The following ZNF207 variants were observed in gnomAD, a reference collection of about 807,000 sequenced individuals.
ZNF207 encodes zinc finger protein 207, also known as BUB3-interacting and GLEBS motif-containing protein ZNF207.
Under a neutral mutation model 60.2 loss-of-function variants are expected in ZNF207, and 24 were observed. The ratio of observed to expected loss-of-function variants is 0.40; its 90% confidence interval spans 0.29 to 0.56. The LOEUF (loss-of-function observed/expected upper bound fraction) is 0.56. Among genes scored for constraint, ZNF207 ranks in the 20% least tolerant of loss-of-function variants. ZNF207 has a pLI of 0.49. For synonymous variants in ZNF207, 236 were observed against 194.7 expected (o/e 1.21, Z -1.77); for missense variants, 452 against 636.6 (o/e 0.71, Z 3.12).
At chr17:32,355,644 T>G (rs1904464501) in intron 2 of ZNF207, among the ~76,000 whole-genome samples, 1 of 152,198 alleles carries the variant, frequency 6.6e-6, no homozygotes. Context: ...AGATGTCCTT[T>G]GTAAGGACTG....
intron 1 of ZNF207, 63 bp downstream of exon 1, chr17:32,350,389 A>G: frequency 1.2e-6 from 2 of 1,605,078 alleles, no homozygotes; most frequent in Non-Finnish European, 1.7e-6. Flanking sequence ...GCCTGGGACT[A>G]GGAGGCCTGG....
intron 11 of ZNF207, 28 bp downstream of exon 11, chr17:32,369,482 T>G (rs1341408456): frequency 9.3e-6 from 15 of 1,608,726 alleles, no homozygotes; most frequent in African/African-American, 1.3e-5. Context: ...TTTTTCATAT[T>G]TAGTGGATTT....
At position 32,368,927 on chromosome 17, in the gene ZNF207, C is replaced by A. The variant is rs187112522; in HGVS notation, c.1165-368C>A. 94 of 164,912 alleles carry A rather than the reference C, an allele frequency of 5.7e-4. 2 individuals carry two copies. In the East Asian group the frequency reaches 0.016, roughly 27 times the overall value. The allele number at this position is 164,912 out of a possible 1,614,324, so 10.2% of individuals were successfully genotyped here. On this transcript the variant is annotated intron_variant, in intron 10 of 11. Coordinates refer to ENST00000394670, the MANE Select transcript of ZNF207 (RefSeq NM_001098507.2). ...GGCTGAGGCAGGAGAATTTCTTGAA[C>A]CCGGGAGGCGGAGGTTGTGGTGAGC...
At position 32,369,890 on chromosome 17, in the gene ZNF207, A is replaced by G; in HGVS notation, c.*131A>G. 9.8e-7 allele frequency: 1 copy of G among 1,020,308 alleles called. No individual in the cohort carries two copies. The highest frequency in any genetic ancestry group is 3.1e-5 in the East Asian group (1 of 31,964). 63.2% of individuals were successfully genotyped at this position (1,020,308 alleles called of 1,614,324 possible). ...AACATTATCTTCCCACATACCAGGA[A>G]CTATTGGACATTTATTTTACATGGG... is the stretch of plus-strand genomic sequence containing the variant. On this transcript the variant is annotated 3_prime_UTR_variant, in exon 12 of 12. Transcript: ENST00000394670.
chr17:32,360,186 C>CCAAA (rs1555606145), intron 3 of ZNF207, among the ~76,000 whole-genome samples: 4 of 52,248 alleles, frequency 7.7e-5, no homozygotes, highest in African/African-American at 1.5e-4. Flanking sequence ...ACCCCCCCCC[C>CCAAA]AAAAAAAAAA....
intron 2 of ZNF207, among the ~76,000 whole-genome samples, chr17:32,354,906 G>A (rs1037149954): frequency 1.9e-4 from 29 of 152,242 alleles, no homozygotes; most frequent in Admixed American, 5.2e-4. Context: ...GAGCCACTGC[G>A]CCCAGCCTGT....
At chr17:32,361,803 C>G (rs1904895220) in intron 6 of ZNF207, among the ~76,000 whole-genome samples, 1 of 152,086 alleles carries the variant, frequency 6.6e-6, no homozygotes, top group Non-Finnish European at 1.5e-5. Flanking sequence ...AGACTATATT[C>G]TATGAAATTA....
At chr17:32,362,102 G>C in intron 6 of ZNF207, among the ~76,000 whole-genome samples, 1 of 150,940 alleles carries the variant, frequency 6.6e-6, no homozygotes, top group African/African-American at 2.5e-5. Flanking sequence ...TAATTTTGGT[G>C]GTAGTATTTC....
chr17:32,378,678 A>T lies in ZNF207; in HGVS notation c.*8919A>T, dbSNP rs571732638. The T allele has an allele frequency of 6.6e-6, 1 of 152,148 alleles. No individual in the cohort carries two copies. The highest frequency in any genetic ancestry group is 2.1e-4 in the South Asian group (1 of 4,826). 9.4% of individuals were successfully genotyped at this position (152,148 alleles called of 1,614,324 possible). ...AGTGGGGACATAATGGGTTGTGGAA[A>T]ATGTGTTTTAACATTTTTATTTTTT... On this transcript the variant is annotated 3_prime_UTR_variant, in exon 12 of 12. Transcript: ENST00000394670.
In ZNF207 at chr17:32,350,341, T is replaced by C; in HGVS notation, c.41+15T>C. On this transcript the variant is annotated intron_variant, in intron 1 of 11. Coordinates refer to ENST00000394670, the MANE Select transcript of ZNF207 (RefSeq NM_001098507.2). ...CCGTGGTGCTGGTATCCTTTGTCGG[T>C]TTGAAGTCGAGGTCGCGTTGGGGTG... 6.2e-7 allele frequency: 1 copy of C among 1,614,044 alleles called. No individual in the cohort carries two copies. The highest frequency in any genetic ancestry group is 8.5e-7 in the Non-Finnish European group (1 of 1,179,990).
rs1199800178 is a variant in ZNF207, at chr17:32,381,374, GTAAA to G, written c.*11617_*11620del. ...ACTGATCGCATAATTTTTAATGTAAGTAAATGAGCTCACTAAGGGTAATTAAATA... is the reference window on the plus strand; with the variant it reads ...ACTGATCGCATAATTTTTAATGTAAGTGAGCTCACTAAGGGTAATTAAATA... On this transcript the variant is annotated 3_prime_UTR_variant, in exon 12 of 12. Coordinates refer to ENST00000394670, the MANE Select transcript of ZNF207 (RefSeq NM_001098507.2). 4 of 152,210 alleles carry G rather than the reference GTAAA, an allele frequency of 2.6e-5. No individual in the cohort carries two copies. Among genetic ancestry groups the G allele is most frequent in the Admixed American group, 1.3e-4 (2 of 15,284 alleles). 9.4% of individuals were successfully genotyped at this position (152,210 alleles called of 1,614,324 possible).
chr17:32,361,604 C>G lies in ZNF207; in HGVS notation c.599+89C>G, dbSNP rs769889510. 7.2e-5 allele frequency: 90 copies of G among 1,242,666 alleles called. 1 individual carries two copies. The highest frequency in any genetic ancestry group is 9.6e-5 in the Non-Finnish European group (88 of 917,712). 77.0% of individuals were successfully genotyped at this position (1,242,666 alleles called of 1,614,324 possible). On this transcript the variant is annotated intron_variant, in intron 6 of 11. Coordinates refer to ENST00000394670, the MANE Select transcript of ZNF207 (RefSeq NM_001098507.2). ...TGTTTAATGGTATCTATTCAGTTGA[C>G]TTCAGAAATTTTCTAACCTTCCTCA... is the stretch of plus-strand genomic sequence containing the variant.
chr17:32,377,716 T>G lies in ZNF207; in HGVS notation c.*7957T>G, dbSNP rs1161619918. 1 of 151,790 alleles carries G rather than the reference T, an allele frequency of 6.6e-6. No homozygotes were observed. Among genetic ancestry groups the G allele is most frequent in the African/African-American group, 2.4e-5 (1 of 41,370 alleles). The allele number at this position is 151,790 out of a possible 1,614,324, so 9.4% of individuals were successfully genotyped here. A position where few individuals can be genotyped will look rare whatever the true frequency, so the allele number is the denominator to read the frequency against. ...ACTGGAATACATAGTAAAATTGAGA[T>G]GTGTCCAAGAGATTTTCAATGTTAA... On this transcript the variant is annotated 3_prime_UTR_variant, in exon 12 of 12. Transcript: ENST00000394670.
chr17:32,367,279 A>T (rs1260214794), intron 9 of ZNF207, among the ~76,000 whole-genome samples: 1 of 114,710 alleles, frequency 8.7e-6, no homozygotes, highest in African/African-American at 3.9e-5. Flanking sequence ...ATATATATAT[A>T]TATATAAAGA....
intron 1 of ZNF207, among the ~76,000 whole-genome samples, chr17:32,350,739 C>T (rs952166213): frequency 5.9e-5 from 9 of 152,052 alleles, no homozygotes; most frequent in South Asian, 2.1e-4. Flanking sequence ...GTCTGTCACC[C>T]ACTTTTTCTG....
At position 32,367,282 on chromosome 17, in the gene ZNF207, T is replaced by TATATATATATATATATATATATAA. The variant is rs1445385221; in HGVS notation, c.922-487_922-486insTATATATATATATATATATAAATA. ...ATATATATATATATATATATATATA[T>TATATATATATATATATATATATAA]ATAAAGAATACTACTAAAGGATGTA... On this transcript the variant is annotated intron_variant, in intron 9 of 11. Transcript: ENST00000394670. Among the ~76,000 whole-genome samples the TATATATATATATATATATATATAA allele has an allele frequency of 5.7e-4, 47 of 82,846 alleles. 1 individual carries two copies. Among genetic ancestry groups the TATATATATATATATATATATATAA allele is most frequent in the Admixed American group, 1.2e-3 (9 of 7,592 alleles). 54.4% of individuals were successfully genotyped at this position (82,846 alleles called of 152,430 possible). A position where few individuals can be genotyped will look rare whatever the true frequency, so the allele number is the denominator to read the frequency against.
chr17:32,357,311 AATTATTATTATT>A (rs1330669262), intron 2 of ZNF207, among the ~76,000 whole-genome samples: 13,847 of 118,292 alleles, frequency 0.12, 1,134 homozygotes, highest in African/African-American at 0.18. Context: ...TTGCTATTCT[AATTATTATTATT>A]ATTATTATTA....
In ZNF207 at chr17:32,371,461, C is replaced by T. The variant is rs1905459300; in HGVS notation, c.*1702C>T. On this transcript the variant is annotated 3_prime_UTR_variant, in exon 12 of 12. Coordinates refer to ENST00000394670, the MANE Select transcript of ZNF207 (RefSeq NM_001098507.2). ...TATAAAGCTGAATGCTATTTTAACT[C>T]ACATTGGCTGGGTGCAGTGGCTCAC... 3.4e-5 allele frequency: 5 copies of T among 146,122 alleles called. No homozygotes were observed. The South Asian group carries it at 1.1e-3, about 32-fold the overall frequency. The allele number at this position is 146,122 out of a possible 1,614,324, so 9.1% of individuals were successfully genotyped here. A position where few individuals can be genotyped will look rare whatever the true frequency, so the allele number is the denominator to read the frequency against.
chr17:32,369,390 TATG>T lies in ZNF207; in HGVS notation c.1264_1266del (p.Met422del). 6.2e-7 allele frequency: 1 copy of T among 1,614,040 alleles called. No homozygotes were observed. Among genetic ancestry groups the T allele is most frequent in the Non-Finnish European group, 8.5e-7 (1 of 1,180,002 alleles). On this transcript the variant is annotated inframe_deletion, in exon 11 of 12. Coordinates refer to ENST00000394670, the MANE Select transcript of ZNF207 (RefSeq NM_001098507.2). ...ATCCACCAGTTGGACCAATTGGAGG[TATG>T]ATGCCACCACAGCCAGGCATCCCAC...
Sources: allele counts gnomAD v4.1 joint callset (sites outside exome capture counted in the v4.1 genomes callset), GRCh38; gene constraint gnomAD v4.1.1; transcripts MANE v1.5; gene names NCBI Gene and HGNC (gene_info 2026-07-23, HGNC 2026-07-21).